NUBPL: variants seen among roughly 807,000 people sequenced by gnomAD.
NUBPL encodes NUBP iron-sulfur cluster assembly factor, mitochondrial.
In NUBPL, 31 loss-of-function variants were observed where a neutral mutation model predicts 45.7. That is an observed-to-expected ratio of 0.68 (90% CI 0.51 to 0.92). The LOEUF is 0.92. NUBPL is among the 40% of genes least tolerant of loss of function. The probability of loss-of-function intolerance (pLI) is 0.00; values close to 1 mark genes in which losing one functional copy is unlikely to be tolerated. For synonymous variants in NUBPL, 144 were observed against 140.9 expected (o/e 1.02, Z -0.15); for missense variants, 401 against 398.7 (o/e 1.01, Z -0.05).
chr14:31,595,238 A>G (rs113738433), intron 3 of NUBPL, among the ~76,000 whole-genome samples: 1,632 of 152,274 alleles, frequency 0.011, 23 homozygotes, highest in African/African-American at 0.037. Flanking sequence ...TTATAAACAA[A>G]TCCAAAAAAC....
At chr14:31,584,228 A>G (rs2033937294) in intron 3 of NUBPL, among the ~76,000 whole-genome samples, 1 of 151,908 alleles carries the variant, frequency 6.6e-6, no homozygotes, top group Non-Finnish European at 1.5e-5. Context: ...GGGCTCAAGC[A>G]ATTCTCCTAC....
intron 4 of NUBPL, among the ~76,000 whole-genome samples, chr14:31,615,980 C>A (rs182721519): frequency 6.6e-6 from 1 of 152,106 alleles, no homozygotes; most frequent in African/African-American, 2.4e-5. Context: ...TTTAAATGAT[C>A]GCCATTCTAA....
At chr14:31,773,405 T>C (rs2039043967) in intron 6 of NUBPL, among the ~76,000 whole-genome samples, 3 of 152,152 alleles carry the variant, frequency 2.0e-5, no homozygotes, top group Non-Finnish European at 4.4e-5. Context: ...TGGTTAGATA[T>C]TGTGGAGGTA....
rs1310986836 is a variant in NUBPL, at chr14:31,561,917, T to C, written c.109-151T>C. On this transcript the variant is annotated intron_variant, in intron 1 of 10. Transcript: ENST00000281081. The stretch of plus-strand genomic sequence containing the variant: ...AATGTGTCTTTACAATTGTTATCAG[T>C]AGTAGTAGGTAAATGTCTCCATAGT... 6.9e-6 allele frequency: 5 copies of C among 721,186 alleles called. No individual in the cohort carries two copies. In the Middle Eastern group the frequency reaches 1.1e-3, roughly 163 times the overall value. The allele number at this position is 721,186 out of a possible 1,614,324, so 44.7% of individuals were successfully genotyped here. A position where few individuals can be genotyped will look rare whatever the true frequency, so the allele number is the denominator to read the frequency against.
chr14:31,801,486 G>A (rs1379229521), intron 7 of NUBPL, among the ~76,000 whole-genome samples: 1 of 152,138 alleles, frequency 6.6e-6, no homozygotes, highest in Non-Finnish European at 1.5e-5. Context: ...CTAAAAGATT[G>A]TAAGCTAATT....
At chr14:31,592,462 T>G (rs1052589362) in intron 3 of NUBPL, among the ~76,000 whole-genome samples, 2 of 152,162 alleles carry the variant, frequency 1.3e-5, no homozygotes, top group Non-Finnish European at 2.9e-5. Context: ...CTTGCAGCCC[T>G]GTTGAGAAGA....
chr14:31,594,686 A>T (rs1391255130), intron 3 of NUBPL, among the ~76,000 whole-genome samples: 2 of 152,212 alleles, frequency 1.3e-5, no homozygotes, highest in Non-Finnish European at 2.9e-5. Context: ...TCTTCTGACA[A>T]TCAGATTCTT....
rs1233962108 is a variant in NUBPL at position 31,754,596 on chromosome 14, T to C, written c.514-33184T>C. Among the ~76,000 whole-genome samples the C allele has an allele frequency of 2.5e-4, 9 of 35,882 alleles. No individual in the cohort carries two copies. In the East Asian group the frequency reaches 3.8e-3, roughly 15 times the overall value. The allele number at this position is 35,882 out of a possible 152,430, so 23.5% of individuals were successfully genotyped here. ...GATAATGTCAAGAGGGTTTTCTTTT[T>C]TTTTTTTTTTTTTTTTCTATTTGAG... On this transcript the variant is annotated intron_variant, in intron 6 of 10. Coordinates refer to ENST00000281081, the MANE Select transcript of NUBPL (RefSeq NM_025152.3).
chr14:31,730,528 A>G (rs1218221532), intron 6 of NUBPL, among the ~76,000 whole-genome samples: 2 of 151,480 alleles, frequency 1.3e-5, no homozygotes, highest in Admixed American at 1.3e-4. Flanking sequence ...CGGTGGCACA[A>G]TCTCAGCTCA....
Position 31,673,544 on chromosome 14 carries a change from A to C in NUBPL, c.483A>C (p.Val161=). The change falls in exon 6 of 11, where the codon GTA becomes GTC. Residue 161 remains valine (V), a synonymous_variant. Coordinates refer to ENST00000281081, the MANE Select transcript of NUBPL (RefSeq NM_025152.3). ...CAGTAGTTTGGAGAGGCCTTATGGTAATGTCGGCCATTGAGAAATTGTTGA... is the reference window on the plus strand; with the variant it reads ...CAGTAGTTTGGAGAGGCCTTATGGTCATGTCGGCCATTGAGAAATTGTTGA... The part of the protein sequence containing the change: ...SEPVVWRGLM[V]MSAIEKLLRQ... 6.2e-7 allele frequency: 1 copy of C among 1,613,932 alleles called. No individual in the cohort carries two copies. Among genetic ancestry groups the C allele is most frequent in the South Asian group, 1.1e-5 (1 of 91,084 alleles).
At chr14:31,573,395 A>C (rs936847346) in intron 3 of NUBPL, among the ~76,000 whole-genome samples, 2 of 152,100 alleles carry the variant, frequency 1.3e-5, no homozygotes, top group African/African-American at 4.8e-5. Flanking sequence ...ATGCATCACC[A>C]GCTTGCATAT....
chr14:31,675,258 G>C (rs2036666381), intron 6 of NUBPL, among the ~76,000 whole-genome samples: 1 of 152,166 alleles, frequency 6.6e-6, no homozygotes, highest in Admixed American at 6.5e-5. Flanking sequence ...TTATTGGGAT[G>C]CTTTGAGGTT....
intron 6 of NUBPL, among the ~76,000 whole-genome samples, chr14:31,739,245 T>TAG (rs2038230261): frequency 1.0e-5 from 1 of 100,082 alleles, no homozygotes; most frequent in Admixed American, 9.9e-5. Context: ...ATATTCTATA[T>TAG]ATATATATTT....
intron 3 of NUBPL, among the ~76,000 whole-genome samples, chr14:31,577,168 T>G (rs1204134144): frequency 2.0e-5 from 3 of 152,164 alleles, no homozygotes; most frequent in African/African-American, 7.2e-5. Flanking sequence ...TTTCATCTCT[T>G]TCATCTCACC....
intron 3 of NUBPL, among the ~76,000 whole-genome samples, chr14:31,572,488 C>T (rs190208230): frequency 3.9e-5 from 6 of 152,246 alleles, no homozygotes; most frequent in African/African-American, 1.4e-4. Flanking sequence ...TCTTGGCTAC[C>T]CTCAGCAGCT....
rs542087828 is a variant in NUBPL, at chr14:31,828,913, G to A, written c.693+2199G>A. Among the ~76,000 whole-genome samples, 17 of 152,320 alleles carry A rather than the reference G, an allele frequency of 1.1e-4. No homozygotes were observed. In the East Asian group the frequency reaches 1.9e-3, roughly 17 times the overall value. ...GTCACTAAGTCCAGGTTAGGCTATTGTTAGGTGAATGCCACTGAAGGATAG... is the reference window on the plus strand; with the variant it reads ...GTCACTAAGTCCAGGTTAGGCTATTATTAGGTGAATGCCACTGAAGGATAG... On this transcript the variant is annotated intron_variant, in intron 8 of 10. Transcript: ENST00000281081.
intron 10 of NUBPL, among the ~76,000 whole-genome samples, chr14:31,850,569 G>A (rs1330045404): frequency 1.3e-5 from 2 of 152,148 alleles, no homozygotes; most frequent in Middle Eastern, 3.2e-3. Flanking sequence ...ATGCAAGAAA[G>A]TATTGAATTG....
At chr14:31,799,220 C>G (rs572861974) in intron 7 of NUBPL, among the ~76,000 whole-genome samples, 15 of 152,174 alleles carry the variant, frequency 9.9e-5, no homozygotes, top group African/African-American at 2.9e-4. Context: ...ATACAAGATA[C>G]AACCACCCCC....
At chr14:31,669,453 T>A (rs2036516869) in intron 4 of NUBPL, among the ~76,000 whole-genome samples, 1 of 144,822 alleles carries the variant, frequency 6.9e-6, no homozygotes. Context: ...TCCTTCCTTT[T>A]CTTTGCTTTT....
Sources: gnomAD v4.1 joint callset for allele counts (sites outside exome capture counted in the v4.1 genomes callset) on GRCh38, gnomAD v4.1.1 for gene constraint, MANE v1.5 for transcripts, NCBI Gene and HGNC (gene_info 2026-07-23, HGNC 2026-07-21) for gene names.